The following ABHD2 variants were observed in gnomAD, a reference collection of about 807,000 sequenced individuals.
ABHD2 encodes the protein monoacylglycerol lipase ABHD2.
In ABHD2, 20 loss-of-function variants were observed where a neutral mutation model predicts 48.1. The ratio of observed to expected loss-of-function variants is 0.42; its 90% CI spans 0.29 to 0.60. ABHD2 has a LOEUF of 0.60. Among genes scored for constraint, ABHD2 ranks in the 20% least tolerant of loss-of-function variants. ABHD2 has a pLI of 0.24. For missense variants in ABHD2, 405 were observed against 550.9 expected, an observed-to-expected ratio of 0.74 and a Z score of 2.65; for synonymous variants, 209 against 214.2, an observed-to-expected ratio of 0.98 and a Z score of 0.21.
chr15:89,180,026 T>G (rs1277363536), intron 6 of ABHD2, among the ~76,000 whole-genome samples: 16 of 152,252 alleles, frequency 1.1e-4, no homozygotes, highest in Admixed American at 1.0e-3. Context: ...TTCATAAAGT[T>G]TCCCCAGAGA....
intron 1 of ABHD2, among the ~76,000 whole-genome samples, chr15:89,108,894 G>A (rs530964871): frequency 1.3e-5 from 2 of 152,268 alleles, no homozygotes; most frequent in Non-Finnish European, 2.9e-5. Context: ...CTTTAGCCGA[G>A]GACCGCAATT....
At chr15:89,128,683 G>A (rs536375241) in intron 3 of ABHD2, among the ~76,000 whole-genome samples, 2 of 152,270 alleles carry the variant, frequency 1.3e-5, no homozygotes, top group South Asian at 4.1e-4. Flanking sequence ...CCCATCACTG[G>A]TCTGGTCTCT....
intron 3 of ABHD2, among the ~76,000 whole-genome samples, chr15:89,142,990 C>G (rs966650869): frequency 1.3e-5 from 2 of 151,998 alleles, no homozygotes; most frequent in Non-Finnish European, 2.9e-5. Flanking sequence ...TGAGCCAATT[C>G]GATTCCATGA....
intron 3 of ABHD2, among the ~76,000 whole-genome samples, chr15:89,148,512 A>T (rs114959830): frequency 0.058 from 8,856 of 152,288 alleles, 897 homozygotes; most frequent in African/African-American, 0.2. Context: ...ATGTAAATGA[A>T]CCCATCTTTT....
At chr15:89,157,398 G>A (rs968619239) in intron 5 of ABHD2, among the ~76,000 whole-genome samples, 36 of 152,162 alleles carry the variant, frequency 2.4e-4, no homozygotes, top group African/African-American at 7.7e-4. Context: ...AAGGTCACAG[G>A]TATGGAAGCA....
chr15:89,121,799 G>A (rs1266919870), intron 3 of ABHD2, among the ~76,000 whole-genome samples: 1 of 152,030 alleles, frequency 6.6e-6, no homozygotes, highest in African/African-American at 2.4e-5. Context: ...GCACCAAAAT[G>A]CCTCTTATCC....
chr15:89,176,088 G>C lies in ABHD2; in HGVS notation c.722+93G>C, dbSNP rs1032881804. On this transcript the variant is annotated intron_variant, in intron 6 of 10. Coordinates refer to ENST00000352732, the MANE Select transcript of ABHD2 (RefSeq NM_152924.5). The surrounding 1 kb of genome is among the most constrained non-coding windows in gnomAD (Gnocchi z 4.5). The stretch of plus-strand genomic sequence containing the variant: ...AACACACTGTTCTGTGAAGACCGGG[G>C]AACACTGTGGCCGACTGAGTAGAAG... 3.7e-6 allele frequency: 5 copies of C among 1,333,780 alleles called. No homozygotes were observed. In the African/African-American group the frequency reaches 7.4e-5, roughly 20 times the overall value. 82.6% of individuals were successfully genotyped at this position (1,333,780 alleles called of 1,614,324 possible).
chr15:89,159,322 AG>A (rs1169120990), intron 5 of ABHD2, among the ~76,000 whole-genome samples: 4 of 151,780 alleles, frequency 2.6e-5, no homozygotes. Flanking sequence ...GGTTGCAGTG[AG>A]CCGAGATCAC....
intron 3 of ABHD2, among the ~76,000 whole-genome samples, chr15:89,118,502 A>G (rs1010383282): frequency 2.0e-5 from 3 of 152,140 alleles, no homozygotes; most frequent in African/African-American, 4.8e-5. Context: ...ATTTAGATCA[A>G]TAACTTCGAC....
the ABHD2 span, among the ~76,000 whole-genome samples, chr15:89,048,239 T>C: frequency 6.6e-6 from 1 of 152,098 alleles, no homozygotes; most frequent in South Asian, 2.1e-4. Flanking sequence ...CACTCTCTTC[T>C]GGCTTGTAGA....
chr15:89,080,160 C>T, the ABHD2 span, among the ~76,000 whole-genome samples: 34 of 152,290 alleles, frequency 2.2e-4, no homozygotes, highest in African/African-American at 7.9e-4. Flanking sequence ...CTCATAAAGC[C>T]GGATTGTCAT....
chr15:89,124,225 C>T (rs968801182), intron 3 of ABHD2, among the ~76,000 whole-genome samples: 1 of 152,196 alleles, frequency 6.6e-6, no homozygotes, highest in Admixed American at 6.5e-5. Context: ...CACGGGACTC[C>T]ATATATGAAA....
rs2050329974 is a variant in ABHD2, at chr15:89,137,252, A to G, written c.195-14425A>G. On this transcript the variant is annotated intron_variant, in intron 3 of 10. Coordinates refer to ENST00000352732, the MANE Select transcript of ABHD2 (RefSeq NM_152924.5). This position sits in a 1 kb window ranked among gnomAD's most constrained non-coding sequence, Gnocchi z 4.8. The stretch of plus-strand genomic sequence containing the variant: ...GAGAGGACTGTGCTTTGGTGTGCCT[A>G]GGGAGGATGTGACCAGTTCCGCGTG... Among the ~76,000 whole-genome samples, 1 of 152,146 alleles carries G rather than the reference A, an allele frequency of 6.6e-6. No homozygotes were observed. Among genetic ancestry groups the G allele is most frequent in the Admixed American group, 6.5e-5 (1 of 15,282 alleles).
intron 1 of ABHD2, among the ~76,000 whole-genome samples, chr15:89,105,418 G>A (rs1308673232): frequency 6.6e-6 from 1 of 152,202 alleles, no homozygotes; most frequent in Admixed American, 6.5e-5. Flanking sequence ...ACTATTTTCT[G>A]AAATTCCAGC....
intron 1 of ABHD2, among the ~76,000 whole-genome samples, chr15:89,111,994 C>T (rs1240398813): frequency 6.6e-6 from 1 of 151,660 alleles, no homozygotes; most frequent in South Asian, 2.1e-4. Context: ...CAACACAGAC[C>T]TTTTCAGGGC....
intron 1 of ABHD2, among the ~76,000 whole-genome samples, chr15:89,096,641 ATAATT>A (rs1313038166): frequency 6.6e-6 from 1 of 152,192 alleles, no homozygotes; most frequent in Admixed American, 6.5e-5. Flanking sequence ...GTTAATTGAC[ATAATT>A]GGTTTTCTGC....
intron 5 of ABHD2, among the ~76,000 whole-genome samples, chr15:89,171,978 A>G (rs1187134454): frequency 2.0e-5 from 3 of 152,076 alleles, no homozygotes; most frequent in Admixed American, 1.3e-4. Flanking sequence ...AACTCTCTCA[A>G]TGATTCAGTA....
intron 3 of ABHD2, chr15:89,135,583 T>G: frequency 1.3e-6 from 2 of 1,532,266 alleles, no homozygotes; most frequent in Non-Finnish European, 1.8e-6. Flanking sequence ...CTCATTCTTA[T>G]CCTCTTCATC....
Position 89,173,737 on chromosome 15 carries a change from C to T in ABHD2, c.539-2075C>T, listed in dbSNP as rs534670813. Among the ~76,000 whole-genome samples, 1 of 152,310 alleles carries T rather than the reference C, an allele frequency of 6.6e-6. No homozygotes were observed. Among genetic ancestry groups the T allele is most frequent in the East Asian group, 1.9e-4 (1 of 5,184 alleles). ...TCAGAGGCCTTGTCATCAGAATCCACTCAATTCAGCAACTCTTTATTGAAG... is the reference window on the plus strand; with the variant it reads ...TCAGAGGCCTTGTCATCAGAATCCATTCAATTCAGCAACTCTTTATTGAAG... On this transcript the variant is annotated intron_variant, in intron 5 of 10. Transcript: ENST00000352732. The surrounding 1 kb of genome is among the most constrained non-coding windows in gnomAD (Gnocchi z 6.5).
Sources: gnomAD v4.1 joint callset for allele counts (sites outside exome capture counted in the v4.1 genomes callset) on GRCh38, gnomAD v4.1.1 for gene constraint, Gnocchi (gnomAD v3.1) non-coding constraint, MANE v1.5 for transcripts, NCBI Gene and HGNC (gene_info 2026-07-23, HGNC 2026-07-21) for gene names.